SLC33A1: variants seen among roughly 807,000 people sequenced by gnomAD.
The protein encoded by SLC33A1 is acetyl-coenzyme A transporter 1.
Under a neutral mutation model 50.0 loss-of-function variants are expected in SLC33A1, and 20 were observed. The ratio of observed to expected loss-of-function variants is 0.40; its 90% CI spans 0.28 to 0.58. The LOEUF (loss-of-function observed/expected upper bound fraction) is 0.58, where lower values mean the gene tolerates loss of function less well. Among genes scored for constraint, SLC33A1 ranks in the 20% least tolerant of loss-of-function variants. The pLI is 0.44. For missense variants in SLC33A1, 476 were observed against 657.0 expected (o/e 0.72, Z 3.01); for synonymous variants, 265 against 251.8 (o/e 1.05, Z -0.50).
chr3:155,832,318 C>T (rs995754048), intron 4 of SLC33A1, among the ~76,000 whole-genome samples: 1 of 151,668 alleles, frequency 6.6e-6, no homozygotes, highest in East Asian at 1.9e-4. Context: ...GCGGAGGTTG[C>T]GGTGACCTGA....
In SLC33A1 at chr3:155,842,413, T is replaced by TG; in HGVS notation, c.963+18dup. ...GATACTTATAAGAAAATGATAAATT[T>TG]GATTTATAAATCTCTTACCTTTGCA... On this transcript the variant is annotated intron_variant, in intron 2 of 5. Coordinates refer to ENST00000643144, the MANE Select transcript of SLC33A1 (RefSeq NM_004733.4). 2.0e-6 allele frequency: 3 copies of TG among 1,531,908 alleles called. No homozygotes were observed. The highest frequency in any genetic ancestry group is 2.7e-6 in the Non-Finnish European group (3 of 1,108,720). The allele number at this position is 1,531,908 out of a possible 1,614,324, so 94.9% of individuals were successfully genotyped here.
rs6441014 is a variant in SLC33A1 at position 155,821,627 on chromosome 3, C to T, written c.*6583G>A. ...GATTACAGACCTGGGCCACCACACC[C>T]GGCTAATTTTGTATTTTTAGTAGAG... On this transcript the variant is annotated 3_prime_UTR_variant, in exon 6 of 6. Coordinates refer to ENST00000643144, the MANE Select transcript of SLC33A1 (RefSeq NM_004733.4). 0.2 allele frequency: 29,744 copies of T among 151,650 alleles called. 7,406 individuals carry two copies. Among genetic ancestry groups the T allele is most frequent in the African/African-American group, 0.58 (23,807 of 41,118 alleles). The allele number at this position is 151,650 out of a possible 1,614,324, so 9.4% of individuals were successfully genotyped here.
intron 1 of SLC33A1, among the ~76,000 whole-genome samples, chr3:155,846,931 G>A (rs1314746968): frequency 6.6e-6 from 1 of 151,914 alleles, no homozygotes; most frequent in African/African-American, 2.4e-5. Context: ...AAATAGGCTG[G>A]GCGTGGTGGC....
At chr3:155,833,086 TA>T (rs1752509810) in intron 4 of SLC33A1, among the ~76,000 whole-genome samples, 1 of 151,806 alleles carries the variant, frequency 6.6e-6, no homozygotes. Context: ...CTATCTCTAC[TA>T]AAAATACAAA....
chr3:155,847,218 A>G (rs989271440), intron 1 of SLC33A1, among the ~76,000 whole-genome samples: 2 of 152,276 alleles, frequency 1.3e-5, no homozygotes, highest in African/African-American at 2.4e-5. Flanking sequence ...AAAAAAATAA[A>G]AAAGGAATAC....
intron 1 of SLC33A1, among the ~76,000 whole-genome samples, chr3:155,850,565 C>G (rs1193386377): frequency 1.3e-5 from 2 of 151,952 alleles, no homozygotes. Flanking sequence ...TTAGCCACAA[C>G]TGTTCCCTAA....
rs1369844861 is a variant in SLC33A1 at position 155,853,550 on chromosome 3, T to C, written c.448A>G (p.Ile150Val). ...RKSWLVPTQY[I>V]LGLFMIYLST... Reference sequence around the variant, plus strand: ...AAATAGATCATGAAGAGTCCTAGTATATACTGTGTCGGGACAAGCCAAGAT... The same window carrying C: ...AAATAGATCATGAAGAGTCCTAGTACATACTGTGTCGGGACAAGCCAAGAT... Residue 150 changes from isoleucine (I) to valine (V), a missense_variant, in exon 1 of 6, where the codon ATA (isoleucine) becomes GTA (valine). Coordinates refer to ENST00000643144, the MANE Select transcript of SLC33A1 (RefSeq NM_004733.4). The C allele has an allele frequency of 1.2e-6, 2 of 1,614,148 alleles. No homozygotes were observed. The highest frequency in any genetic ancestry group is 1.7e-6 in the Non-Finnish European group (2 of 1,180,030).
chr3:155,830,245 C>T (rs561080872), intron 4 of SLC33A1, among the ~76,000 whole-genome samples: 3 of 150,716 alleles, frequency 2.0e-5, no homozygotes, highest in South Asian at 2.1e-4. Context: ...TGGTGGCAGG[C>T]GCCTGTAGTC....
chr3:155,838,426 A>C (rs566308394), intron 2 of SLC33A1, among the ~76,000 whole-genome samples: 2 of 152,234 alleles, frequency 1.3e-5, no homozygotes, highest in East Asian at 3.9e-4. Flanking sequence ...CACGCCTATA[A>C]TCCCAGCACT....
rs1170048779 is a variant in SLC33A1 at position 155,853,388 on chromosome 3, T to C, written c.610A>G (p.Met204Val). The change falls in exon 1 of 6, where the codon ATG becomes GTG. Residue 204 changes from methionine to valine, a missense_variant. Physicochemically the swap from Met to Val is conservative, Grantham distance 21. Transcript: ENST00000643144. ...DIAVDGWALT[M>V]LSRENVGYAS... ...TAACCCACATTTTCCCTGGATAACA[T>C]AGTTAACGCCCAACCATCGACGGCA... 14 of 1,613,868 alleles carry C rather than the reference T, an allele frequency of 8.7e-6. No homozygotes were observed. Among genetic ancestry groups the C allele is most frequent in the Non-Finnish European group, 1.1e-5 (13 of 1,180,026 alleles).
In SLC33A1 at chr3:155,827,016, A is replaced by G. The variant is rs529627923; in HGVS notation, c.*1194T>C. On this transcript the variant is annotated 3_prime_UTR_variant, in exon 6 of 6. Coordinates refer to ENST00000643144, the MANE Select transcript of SLC33A1 (RefSeq NM_004733.4). ...TGTATGTAATACGCTGGGAATTGCT[A>G]AAGTACTCAAAAGCTTAATTTTCTT... 2.0e-5 allele frequency: 3 copies of G among 152,292 alleles called. No individual in the cohort carries two copies. Among genetic ancestry groups the G allele is most frequent in the Non-Finnish European group, 2.9e-5 (2 of 68,014 alleles). The allele number at this position is 152,292 out of a possible 1,614,324, so 9.4% of individuals were successfully genotyped here. A position where few individuals can be genotyped will look rare whatever the true frequency, so the allele number is the denominator to read the frequency against.
chr3:155,848,613 T>G (rs547577927), intron 1 of SLC33A1, among the ~76,000 whole-genome samples: 2 of 151,972 alleles, frequency 1.3e-5, no homozygotes, highest in African/African-American at 2.4e-5. Flanking sequence ...ACCCTGGAGG[T>G]GGAGCTTGCA....
intron 5 of SLC33A1, among the ~76,000 whole-genome samples, chr3:155,828,877 A>T (rs944705680): frequency 6.7e-6 from 1 of 149,368 alleles, no homozygotes; most frequent in Non-Finnish European, 1.5e-5. Context: ...GGTGTGAGCC[A>T]CCATACCCAG....
Position 155,828,114 on chromosome 3 carries a change from AAAT to A in SLC33A1, c.*93_*95del, listed in dbSNP as rs1375340147. Reference sequence around the variant, plus strand: ...TTTATATTATTAATTTCGCTGTTTAAAATAATATTTTATACTCCTGTGCACTGA... The same window carrying A: ...TTTATATTATTAATTTCGCTGTTTAAAATATTTTATACTCCTGTGCACTGA... On this transcript the variant is annotated 3_prime_UTR_variant, in exon 6 of 6. Coordinates refer to ENST00000643144, the MANE Select transcript of SLC33A1 (RefSeq NM_004733.4). The A allele has an allele frequency of 6.8e-6, 6 of 882,744 alleles. No individual in the cohort carries two copies. Among genetic ancestry groups the A allele is most frequent in the Non-Finnish European group, 9.2e-6 (5 of 541,404 alleles). The allele number at this position is 882,744 out of a possible 1,614,324, so 54.7% of individuals were successfully genotyped here.
Position 155,823,710 on chromosome 3 carries a change from GTTTTT to G in SLC33A1, c.*4495_*4499del, listed in dbSNP as rs1752142250. ...GGTCTGCAGTAGGTGTTTTTGTTTT[GTTTTT>G]GTTTGTTTGTTTTTGAAACGGAGTC... is the stretch of plus-strand genomic sequence containing the variant. On this transcript the variant is annotated 3_prime_UTR_variant, in exon 6 of 6. Coordinates refer to ENST00000643144, the MANE Select transcript of SLC33A1 (RefSeq NM_004733.4). 6.6e-6 allele frequency: 1 copy of G among 151,886 alleles called. No homozygotes were observed. The highest frequency in any genetic ancestry group is 1.5e-5 in the Non-Finnish European group (1 of 68,004). 9.4% of individuals were successfully genotyped at this position (151,886 alleles called of 1,614,324 possible).
chr3:155,843,084 A>T (rs2107982937), intron 1 of SLC33A1: 1 of 152,746 alleles, frequency 6.5e-6, no homozygotes, highest in South Asian at 2.1e-4. Flanking sequence ...GCAAATGAAC[A>T]AAACAGTCCT....
chr3:155,842,751 G>C, intron 1 of SLC33A1, 132 bp from the exon 2 acceptor site: 1 of 541,804 alleles, frequency 1.8e-6, no homozygotes, highest in Non-Finnish European at 3.1e-6. Flanking sequence ...GCTCATGCCT[G>C]TAATCCTAGC....
chr3:155,833,367 G>T, intron 4 of SLC33A1, 101 bp downstream of exon 4: 1 of 779,554 alleles, frequency 1.3e-6, no homozygotes, highest in Non-Finnish European at 2.3e-6. Flanking sequence ...TCAGATTCAT[G>T]CTTAAAATTT....
intron 1 of SLC33A1, among the ~76,000 whole-genome samples, chr3:155,845,865 T>A (rs1197658412): frequency 6.6e-6 from 1 of 152,238 alleles, no homozygotes; most frequent in African/African-American, 2.4e-5. Flanking sequence ...TTATCATTAT[T>A]ACCAAAAATA....
Sources: gnomAD v4.1 joint callset for allele counts (sites outside exome capture counted in the v4.1 genomes callset) on GRCh38, gnomAD v4.1.1 for gene constraint, MANE v1.5 for transcripts, NCBI Gene and HGNC (gene_info 2026-07-23, HGNC 2026-07-21) for gene names.